Variants in CPB2 observed in about 807,000 individuals in gnomAD.
CPB2 encodes carboxypeptidase B-like protein.
In CPB2, 54 loss-of-function variants were observed where a neutral mutation model predicts 57.0. That is an observed-to-expected ratio of 0.95 (90% CI 0.76 to 1.19). The LOEUF is 1.19. Among genes scored for constraint, CPB2 ranks in the 50% most tolerant of loss-of-function variants. CPB2 has a pLI of 0.00. For synonymous variants in CPB2, 189 were observed against 178.1 expected, an observed-to-expected ratio of 1.06 and a Z score of -0.49; for missense variants, 426 against 512.0, an observed-to-expected ratio of 0.83 and a Z score of 1.62.
At chr13:46,071,152 G>A (rs1371839558) in intron 6 of CPB2, among the ~76,000 whole-genome samples, 1 of 152,154 alleles carries the variant, frequency 6.6e-6, no homozygotes, top group Non-Finnish European at 1.5e-5. Flanking sequence ...CAGAAGAGCA[G>A]GTCAAGGGAG....
At position 46,053,464 on chromosome 13, in the gene CPB2, G is replaced by A; in HGVS notation, c.*150C>T. 8.3e-7 allele frequency: 1 copy of A among 1,208,366 alleles called. No individual in the cohort carries two copies. The highest frequency in any genetic ancestry group is 1.1e-6 in the Non-Finnish European group (1 of 893,610). The allele number at this position is 1,208,366 out of a possible 1,614,324, so 74.9% of individuals were successfully genotyped here. The stretch of plus-strand genomic sequence containing the variant: ...CCTAGTCTGCCTTAATGGCAAAGTA[G>A]CACTTATTAGGTTCTCTGACAGAAC... On this transcript the variant is annotated 3_prime_UTR_variant, in exon 11 of 11. Coordinates refer to ENST00000181383, the MANE Select transcript of CPB2 (RefSeq NM_001872.5).
intron 4 of CPB2, among the ~76,000 whole-genome samples, chr13:46,080,508 C>T (rs1241549406): frequency 6.6e-6 from 1 of 152,204 alleles, no homozygotes; most frequent in Non-Finnish European, 1.5e-5. Flanking sequence ...CAATCCCTAA[C>T]TCCCAGTAGG....
chr13:46,064,784 T>C (rs1246561002), intron 7 of CPB2, 43 bp from the exon 8 acceptor site: 1 of 1,511,200 alleles, frequency 6.6e-7, no homozygotes, highest in Non-Finnish European at 9.2e-7. Context: ...GTAGCCACGT[T>C]CAAGGCCTGA....
chr13:46,084,776 T>G (rs936407138), intron 2 of CPB2, among the ~76,000 whole-genome samples: 3 of 151,750 alleles, frequency 2.0e-5, no homozygotes, highest in Non-Finnish European at 2.9e-5. Flanking sequence ...TTTTTCCTTT[T>G]TTTAAAAAGG....
At chr13:46,058,438 G>T in intron 8 of CPB2, 57 bp from the exon 9 acceptor site, 1 of 1,503,902 alleles carries the variant, frequency 6.6e-7, no homozygotes, top group South Asian at 1.1e-5. Context: ...ACTGTAATTT[G>T]TGGTTTCCCA....
At chr13:46,066,083 C>T (rs1005166388) in intron 7 of CPB2, among the ~76,000 whole-genome samples, 4 of 152,162 alleles carry the variant, frequency 2.6e-5, no homozygotes, top group African/African-American at 4.8e-5. Flanking sequence ...TCTCCTGTGC[C>T]ATTTCCATAT....
At chr13:46,078,135 T>C (rs968448956) in intron 5 of CPB2, among the ~76,000 whole-genome samples, 1 of 152,102 alleles carries the variant, frequency 6.6e-6, no homozygotes, top group African/African-American at 2.4e-5. Context: ...ACACATTGTA[T>C]GCATGTATCA....
At chr13:46,075,893 A>G (rs140805485) in intron 5 of CPB2, among the ~76,000 whole-genome samples, 40 of 152,318 alleles carry the variant, frequency 2.6e-4, no homozygotes, top group Non-Finnish European at 4.6e-4. Context: ...GGCTGTGGCT[A>G]TGTTCACTGA....
At chr13:46,063,569 A>G (rs2044807615) in intron 8 of CPB2, among the ~76,000 whole-genome samples, 1 of 152,108 alleles carries the variant, frequency 6.6e-6, no homozygotes, top group Non-Finnish European at 1.5e-5. Flanking sequence ...CCAATCCGCC[A>G]TTGACAGACA....
Position 46,085,996 on chromosome 13 carries a change from A to C in CPB2, c.151-1653T>G, listed in dbSNP as rs1459203289. 2.9e-4 allele frequency among the ~76,000 whole-genome samples: 44 copies of C among 152,140 alleles called. 1 individual carries two copies. Among genetic ancestry groups the C allele is most frequent in the Admixed American group, 2.9e-3 (44 of 15,278 alleles). On this transcript the variant is annotated intron_variant, in intron 2 of 10. Coordinates refer to ENST00000181383, the MANE Select transcript of CPB2 (RefSeq NM_001872.5). ...GTCCAGCTACTACACACAGCGAGGC[A>C]TGCTGGCTGCGGCAGGGTGGGCATC...
chr13:46,084,157 C>T, intron 3 of CPB2, 62 bp downstream of exon 3: 1 of 1,575,924 alleles, frequency 6.3e-7, no homozygotes, highest in Non-Finnish European at 8.7e-7. Context: ...TATACCATAC[C>T]CTAGTCAAGT....
intron 4 of CPB2, among the ~76,000 whole-genome samples, chr13:46,079,127 A>G (rs2045068157): frequency 6.6e-6 from 1 of 152,214 alleles, no homozygotes; most frequent in Non-Finnish European, 1.5e-5. Flanking sequence ...AAGTGCTAAG[A>G]TACTTATAAT....
intron 1 of CPB2, among the ~76,000 whole-genome samples, chr13:46,102,630 C>A (rs1304938440): frequency 7.0e-6 from 1 of 142,374 alleles, no homozygotes. Flanking sequence ...ATATTCTGAA[C>A]CCCAGCAACA....
At chr13:46,074,441 A>G (rs1035776220) in intron 5 of CPB2, among the ~76,000 whole-genome samples, 1 of 152,016 alleles carries the variant, frequency 6.6e-6, no homozygotes, top group East Asian at 1.9e-4. Flanking sequence ...TTTTATGTGG[A>G]TTATTTCTTT....
intron 6 of CPB2, among the ~76,000 whole-genome samples, chr13:46,069,873 A>C (rs1184224018): frequency 2.6e-5 from 4 of 152,114 alleles, no homozygotes; most frequent in Admixed American, 2.0e-4. Flanking sequence ...TCATATGGTA[A>C]CTCTATACTT....
rs1288429373 is a variant in CPB2, at chr13:46,064,695, C to T, written c.749G>A (p.Cys250Tyr). The T allele has an allele frequency of 6.2e-7, 1 of 1,614,116 alleles. No homozygotes were observed. The highest frequency in any genetic ancestry group is 1.7e-5 in the Admixed American group (1 of 60,024). The change falls in exon 8 of 11, where the codon TGC becomes TAC. Residue 250 changes from cysteine to tyrosine, a missense_variant. Physicochemically the swap from Cys to Tyr is radical, Grantham distance 194. Transcript: ENST00000181383. ...KNRSFYANNHCIGTDLNRNFA... is the reference protein window; with the variant it reads ...KNRSFYANNHYIGTDLNRNFA... ...GTTCCTATTCAGGTCTGTTCCGATG[C>T]AATGATTGTTCGCATAGAAAGAACG...
At chr13:46,104,910 C>G in intron 1 of CPB2, 26 bp downstream of exon 1, 1 of 1,613,554 alleles carries the variant, frequency 6.2e-7, no homozygotes, top group Non-Finnish European at 8.5e-7. Flanking sequence ...AGTGGCCCAC[C>G]ACAGTCTAAG....
rs2045165906 is a variant in CPB2, at chr13:46,084,306, A to G, written c.188T>C (p.Val63Ala). 6.2e-7 allele frequency: 1 copy of G among 1,614,030 alleles called. No homozygotes were observed. The highest frequency in any genetic ancestry group is 1.1e-5 in the South Asian group (1 of 91,082). The change falls in exon 3 of 11, where the codon GTG becomes GCG. Residue 63 changes from valine to alanine, a missense_variant. Coordinates refer to ENST00000181383, the MANE Select transcript of CPB2 (RefSeq NM_001872.5). ...LWQPVTADLI[V>A]KKKQVHFFVN... ...AAAAAAATGGACTTGTTTTTTCTTC[A>G]CAATAAGGTCAGCTGTTACCGGCTG...
rs1417252714 is a variant in CPB2, at chr13:46,067,388, T to C, written c.621A>G (p.Gln207=). 7 of 1,588,018 alleles carry C rather than the reference T, an allele frequency of 4.4e-6. No individual in the cohort carries two copies. In the Admixed American group the frequency reaches 1.0e-4, roughly 23 times the overall value. Residue 207 remains glutamine, a synonymous_variant, in exon 7 of 11, where the codon CAA becomes CAG. Coordinates refer to ENST00000181383, the MANE Select transcript of CPB2 (RefSeq NM_001872.5). ...HITQFYGIIG[Q]YTNLLRLVDF... is the part of the protein sequence containing the mutation. ...CCACAAGCCTCAGGAGATTGGTATA[T>C]TGCCCTATTATCCCATAGAATTGAG... is the stretch of plus-strand genomic sequence containing the variant.
Sources: allele counts gnomAD v4.1 joint callset (sites outside exome capture counted in the v4.1 genomes callset), GRCh38; gene constraint gnomAD v4.1.1; transcripts MANE v1.5; gene names NCBI Gene and HGNC (gene_info 2026-07-23, HGNC 2026-07-21).